Variants in PHTF2 observed in about 807,000 individuals in gnomAD.
PHTF2 encodes the protein putative homeodomain transcription factor 2, also known as protein PHTF2.
In PHTF2, 60 loss-of-function variants were observed where a neutral mutation model predicts 101.2. That is an observed-to-expected ratio of 0.59 (90% confidence interval 0.48 to 0.73). PHTF2 has a LOEUF of 0.73. Ranked by LOEUF, PHTF2 falls within the 30% of genes least tolerant of loss-of-function variation. The pLI is 0.00. For missense variants in PHTF2, 747 were observed against 908.7 expected (o/e 0.82, Z 2.29); for synonymous variants, 311 against 307.3 (o/e 1.01, Z -0.13).
At chr7:77,813,571 A>G (rs1446632947) in intron 1 of PHTF2, among the ~76,000 whole-genome samples, 1 of 152,180 alleles carries the variant, frequency 6.6e-6, no homozygotes, top group African/African-American at 2.4e-5. Flanking sequence ...TTTAATGAGC[A>G]CCTTGGGAGA....
chr7:77,914,607 A>G (rs1562944634), intron 9 of PHTF2, among the ~76,000 whole-genome samples: 1 of 152,134 alleles, frequency 6.6e-6, no homozygotes, highest in Non-Finnish European at 1.5e-5. Context: ...CCAGAATTAA[A>G]TCTGAGATTT....
At chr7:77,836,297 G>T (rs1183746725) in intron 1 of PHTF2, among the ~76,000 whole-genome samples, 1 of 152,064 alleles carries the variant, frequency 6.6e-6, no homozygotes, top group Non-Finnish European at 1.5e-5. Context: ...GGTAAAGGAG[G>T]TGAAAGGGGA....
At chr7:77,901,457 C>CAACAAACA (rs3084625) in intron 6 of PHTF2, among the ~76,000 whole-genome samples, 3,466 of 150,738 alleles carry the variant, frequency 0.023, 91 homozygotes, top group African/African-American at 0.069. Flanking sequence ...GATCCTATCT[C>CAACAAACA]AACAAACAAA....
intron 3 of PHTF2, among the ~76,000 whole-genome samples, chr7:77,862,101 C>G (rs1257058121): frequency 6.6e-6 from 1 of 151,380 alleles, no homozygotes; most frequent in Non-Finnish European, 1.5e-5. Flanking sequence ...ATACCTTTCA[C>G]TCTTCCCTAG....
At chr7:77,812,737 A>C (rs947401230) in intron 1 of PHTF2, among the ~76,000 whole-genome samples, 9 of 152,006 alleles carry the variant, frequency 5.9e-5, no homozygotes, top group South Asian at 2.1e-4. Flanking sequence ...CTACAGGCGC[A>C]CGCCACCACG....
At chr7:77,919,932 A>C (rs1221702469) in intron 9 of PHTF2, among the ~76,000 whole-genome samples, 1 of 152,184 alleles carries the variant, frequency 6.6e-6, no homozygotes, top group East Asian at 1.9e-4. Flanking sequence ...TCATTTCTTA[A>C]ATAAAACTTC....
chr7:77,915,710 C>T (rs1802848828), intron 9 of PHTF2, among the ~76,000 whole-genome samples: 1 of 152,172 alleles, frequency 6.6e-6, no homozygotes, highest in South Asian at 2.1e-4. Context: ...TTCTTTTCAA[C>T]CGCTCCAAGC....
intron 3 of PHTF2, among the ~76,000 whole-genome samples, chr7:77,886,518 C>T (rs1171888661): frequency 6.6e-6 from 1 of 152,078 alleles, no homozygotes; most frequent in African/African-American, 2.4e-5. Flanking sequence ...CTTCCTGTTT[C>T]CCATTTTGTT....
chr7:77,932,750 A>G (rs1450747561), intron 12 of PHTF2, among the ~76,000 whole-genome samples: 2 of 151,950 alleles, frequency 1.3e-5, no homozygotes, highest in South Asian at 2.1e-4. Flanking sequence ...GTAGTTGCCT[A>G]TTCTACACAG....
At chr7:77,805,204 A>G (rs1792877556) in intron 1 of PHTF2, among the ~76,000 whole-genome samples, 1 of 152,226 alleles carries the variant, frequency 6.6e-6, no homozygotes, top group Non-Finnish European at 1.5e-5. Flanking sequence ...TCATTGGCAT[A>G]AAGTTACTCA....
At chr7:77,831,160 T>G (rs1467433950) in intron 1 of PHTF2, among the ~76,000 whole-genome samples, 5 of 152,250 alleles carry the variant, frequency 3.3e-5, no homozygotes, top group Non-Finnish European at 7.3e-5. Flanking sequence ...CCATGAAACC[T>G]TCAAAAGTGC....
chr7:77,913,776 T>C (rs930867316), intron 9 of PHTF2, among the ~76,000 whole-genome samples: 15 of 152,182 alleles, frequency 9.9e-5, no homozygotes, highest in African/African-American at 3.4e-4. Context: ...TTCACTTTAG[T>C]GTTAAAAACA....
chr7:77,837,908 T>C (rs897540171), intron 1 of PHTF2, among the ~76,000 whole-genome samples: 41 of 152,214 alleles, frequency 2.7e-4, no homozygotes, highest in African/African-American at 9.4e-4. Context: ...GTATGAAATG[T>C]ATATTATTTA....
chr7:77,886,513 T>G (rs946316902), intron 3 of PHTF2, among the ~76,000 whole-genome samples: 11 of 152,190 alleles, frequency 7.2e-5, no homozygotes, highest in Non-Finnish European at 1.5e-5. Flanking sequence ...CTTTTCTTCC[T>G]GTTTCCCATT....
intron 2 of PHTF2, among the ~76,000 whole-genome samples, chr7:77,850,540 G>A (rs1358407066): frequency 6.7e-6 from 1 of 150,120 alleles, no homozygotes; most frequent in African/African-American, 2.5e-5. Context: ...TACTTGGGAG[G>A]TAGAGGCAGG....
At chr7:77,915,637 T>C (rs1802840174) in intron 9 of PHTF2, among the ~76,000 whole-genome samples, 1 of 152,156 alleles carries the variant, frequency 6.6e-6, no homozygotes, top group South Asian at 2.1e-4. Flanking sequence ...CTTAATTTAT[T>C]CTTCATAACA....
chr7:77,823,693 T>TA (rs1168652749), intron 1 of PHTF2, among the ~76,000 whole-genome samples: 1 of 152,198 alleles, frequency 6.6e-6, no homozygotes, highest in African/African-American at 2.4e-5. Flanking sequence ...CATGAAAGTA[T>TA]ATGGTATATT....
intron 1 of PHTF2, among the ~76,000 whole-genome samples, chr7:77,812,275 G>A (rs563637245): frequency 8.2e-4 from 125 of 152,304 alleles, no homozygotes; most frequent in African/African-American, 2.8e-3. Flanking sequence ...CTTAGAGTAT[G>A]TAATTAATAC....
chr7:77,924,385 A>C (rs1803768058), intron 11 of PHTF2, among the ~76,000 whole-genome samples: 1 of 152,148 alleles, frequency 6.6e-6, no homozygotes, highest in Admixed American at 6.5e-5. Context: ...ACCAAAAAAA[A>C]CAAAAACAAA....
Sources: gnomAD v4.1 joint callset for allele counts (sites outside exome capture counted in the v4.1 genomes callset) on GRCh38, gnomAD v4.1.1 for gene constraint, MANE v1.5 for transcripts, NCBI Gene and HGNC (gene_info 2026-07-23, HGNC 2026-07-21) for gene names.